RBM28: variants seen among roughly 807,000 people sequenced by gnomAD.
RBM28 encodes RNA-binding protein 28.
Under a neutral mutation model 98.3 loss-of-function variants are expected in RBM28, and 78 were observed. That is an observed-to-expected ratio of 0.79 (90% CI 0.66 to 0.96). The LOEUF (loss-of-function observed/expected upper bound fraction) is 0.96, where lower values mean the gene tolerates loss of function less well. Ranked by LOEUF, RBM28 falls within the 40% of genes least tolerant of loss-of-function variation. The pLI, the probability that RBM28 is intolerant of heterozygous loss-of-function variation, is 0.00. For missense variants in RBM28, 838 were observed against 913.0 expected (o/e 0.92, Z 1.06); for synonymous variants, 306 against 330.9 (o/e 0.92, Z 0.82).
chr7:128,328,831 A>G (rs537833596), intron 10 of RBM28, among the ~76,000 whole-genome samples: 2 of 152,336 alleles, frequency 1.3e-5, no homozygotes, highest in Admixed American at 1.3e-4. Flanking sequence ...CATTTTACAG[A>G]TGAAAACCTG....
chr7:128,318,474 C>CA (rs35005841), intron 14 of RBM28, among the ~76,000 whole-genome samples: 3,455 of 109,864 alleles, frequency 0.031, 131 homozygotes, highest in Admixed American at 0.12. Flanking sequence ...GACCCTGTCT[C>CA]AAAAAAAAAA....
intron 9 of RBM28, among the ~76,000 whole-genome samples, chr7:128,331,855 C>T (rs1201436796): frequency 1.3e-5 from 2 of 152,140 alleles, no homozygotes; most frequent in East Asian, 1.9e-4. Context: ...CTCTTATATG[C>T]ACTGAATAGC....
rs1796550201 is a variant in RBM28, at chr7:128,334,320, CT to C, written c.947-959del. ...TACACTCTTCTGTGTTGTGTTTTAA[CT>C]TTTTATCATTATCATTTATCTGTCC... On this transcript the variant is annotated intron_variant, in intron 8 of 18. Coordinates refer to ENST00000223073, the MANE Select transcript of RBM28 (RefSeq NM_018077.3). 4.6e-5 allele frequency among the ~76,000 whole-genome samples: 7 copies of C among 152,270 alleles called. 1 individual carries two copies. The highest frequency in any genetic ancestry group is 6.5e-5 in the Admixed American group (1 of 15,300).
In RBM28 at chr7:128,301,828, C is replaced by T. The variant is rs1795785708; in HGVS notation, c.*8969G>A. The T allele has an allele frequency of 6.6e-6, 1 of 152,268 alleles. No individual in the cohort carries two copies. Among genetic ancestry groups the T allele is most frequent in the South Asian group, 2.1e-4 (1 of 4,834 alleles). The allele number at this position is 152,268 out of a possible 1,614,324, so 9.4% of individuals were successfully genotyped here. A position where few individuals can be genotyped will look rare whatever the true frequency, so the allele number is the denominator to read the frequency against. ...GGTGGCCAAGAGAAGGAAAGACACCCCCACAGGAAGGATGGGCCCAGAAAC... is the reference window on the plus strand; with the variant it reads ...GGTGGCCAAGAGAAGGAAAGACACCTCCACAGGAAGGATGGGCCCAGAAAC... On this transcript the variant is annotated 3_prime_UTR_variant, in exon 19 of 19. Transcript: ENST00000223073.
chr7:128,319,657 T>C (rs1796179047), intron 14 of RBM28, among the ~76,000 whole-genome samples: 1 of 152,224 alleles, frequency 6.6e-6, no homozygotes, highest in Admixed American at 6.5e-5. Flanking sequence ...GAGATGACTA[T>C]GTACCAGGTA....
Position 128,324,653 on chromosome 7 carries a change from G to A in RBM28, c.1245C>T (p.Asp415=). 1 of 1,614,194 alleles carries A rather than the reference G, an allele frequency of 6.2e-7. No homozygotes were observed. The highest frequency in any genetic ancestry group is 8.5e-7 in the Non-Finnish European group (1 of 1,180,038). The change falls in exon 12 of 19, where the codon GAC becomes GAT. Residue 415 remains aspartate, a synonymous_variant. Transcript: ENST00000223073. ...CAGCCTCATCACGGGTCACCGCCAAGTCAACCTTGAGCTGCCGGCCATCCA... is the reference window on the plus strand; with the variant it reads ...CAGCCTCATCACGGGTCACCGCCAAATCAACCTTGAGCTGCCGGCCATCCA... ...LKLDGRQLKV[D]LAVTRDEAAK...
intron 1 of RBM28, 139 bp from the exon 2 acceptor site, chr7:128,339,930 C>A: frequency 1.9e-6 from 2 of 1,036,736 alleles, no homozygotes; most frequent in Non-Finnish European, 2.8e-6. Flanking sequence ...ATCAGTTTGC[C>A]AAAAGTCTCA....
chr7:128,329,342 G>A (rs536822971), intron 10 of RBM28, among the ~76,000 whole-genome samples: 8 of 152,130 alleles, frequency 5.3e-5, no homozygotes, highest in South Asian at 2.1e-4. Context: ...CAGGTGATCC[G>A]CCTGCCTCAG....
At chr7:128,320,407 A>T (rs973170878) in intron 14 of RBM28, among the ~76,000 whole-genome samples, 3 of 136,854 alleles carry the variant, frequency 2.2e-5, no homozygotes, top group East Asian at 4.0e-4. Context: ...GACCACATCT[A>T]AAAAAAAAAA....
intron 11 of RBM28, 76 bp downstream of exon 11, chr7:128,325,742 T>C: frequency 1.0e-6 from 1 of 974,860 alleles, no homozygotes; most frequent in Non-Finnish European, 1.6e-6. Context: ...AATAAAGCTT[T>C]GTATAAATAC....
At chr7:128,341,248 T>C (rs1165655153) in intron 1 of RBM28, 4 of 1,188,072 alleles carry the variant, frequency 3.4e-6, no homozygotes, top group Non-Finnish European at 3.3e-6. Context: ...CATCAATTTT[T>C]CTCTTCTCTT....
chr7:128,313,177 G>A lies in RBM28; in HGVS notation c.2143C>T (p.Gln715Ter), dbSNP rs771260962. The A allele has an allele frequency of 1.2e-6, 2 of 1,613,174 alleles. No homozygotes were observed. Among genetic ancestry groups the A allele is most frequent in the African/African-American group, 2.7e-5 (2 of 74,876 alleles). ...KQEKQQLSSEQVSRKKAKGNK... is the reference protein window; with the variant it reads ...KQEKQQLSSE Reference sequence around the variant, plus strand: ...GCTGTATGTCCTGCAGAACTCACCTGCTCGGACGATAATTGCTGCTTCTCC... The same window carrying A: ...GCTGTATGTCCTGCAGAACTCACCTACTCGGACGATAATTGCTGCTTCTCC... The change falls in exon 18 of 19, where the codon CAG (glutamine) becomes TAG (stop). Residue 715 changes from glutamine (Q) to a stop codon, truncating the protein, a stop_gained and splice_region_variant. Coordinates refer to ENST00000223073, the MANE Select transcript of RBM28 (RefSeq NM_018077.3). LOFTEE classifies it high-confidence loss of function.
At position 128,343,730 on chromosome 7, in the gene RBM28, C is replaced by T; in HGVS notation, c.64G>A (p.Glu22Lys). 1 of 1,611,830 alleles carries T rather than the reference C, an allele frequency of 6.2e-7. No individual in the cohort carries two copies. Among genetic ancestry groups the T allele is most frequent in the Non-Finnish European group, 8.5e-7 (1 of 1,178,850 alleles). Residue 22 changes from glutamate to lysine, a missense_variant, in exon 1 of 19, where the codon GAA (glutamate) becomes AAA (lysine). Coordinates refer to ENST00000223073, the MANE Select transcript of RBM28 (RefSeq NM_018077.3). ...ACCGGCCCCACCTGACTGAACAGTT[C>T]CTCCAGCTGCTCACTGCGGGCCGAG... Reference protein sequence around the residue: ...PPSARSEQLEELFSQVGPVKQ... With the variant: ...PPSARSEQLEKLFSQVGPVKQ...
intron 8 of RBM28, among the ~76,000 whole-genome samples, 190 bp downstream of exon 8, chr7:128,335,353 A>G (rs185402752): frequency 6.6e-6 from 1 of 152,210 alleles, no homozygotes; most frequent in African/African-American, 2.4e-5. Flanking sequence ...CAAAACAAAC[A>G]AAAAGGAAAC....
chr7:128,334,840 G>A (rs895616285), intron 8 of RBM28, among the ~76,000 whole-genome samples: 1 of 152,128 alleles, frequency 6.6e-6, no homozygotes, highest in Admixed American at 6.5e-5. Context: ...CTTAAGGTTG[G>A]GCCCTAATCT....
chr7:128,323,632 A>G, intron 12 of RBM28, 41 bp from the exon 13 acceptor site: 1 of 1,604,630 alleles, frequency 6.2e-7, no homozygotes, highest in Non-Finnish European at 8.5e-7. Flanking sequence ...CAACAAGGGA[A>G]TTTTCACTGA....
intron 18 of RBM28, among the ~76,000 whole-genome samples, chr7:128,312,392 C>G (rs973005493): frequency 1.3e-5 from 2 of 152,128 alleles, no homozygotes; most frequent in African/African-American, 2.4e-5. Flanking sequence ...GAGCAAAACT[C>G]CACCTCAAAA....
chr7:128,323,461 C>T (rs1796279872), intron 13 of RBM28, 66 bp downstream of exon 13: 2 of 1,574,548 alleles, frequency 1.3e-6, no homozygotes, highest in Non-Finnish European at 8.7e-7. Flanking sequence ...ATCTAGCATT[C>T]GATAACTATT....
chr7:128,298,848 A>ACAAATACACCAAATACAC lies in RBM28; in HGVS notation c.*11948_*11949insGTGTATTTGGTGTATTTG, dbSNP rs1795743313. 6.6e-6 allele frequency: 1 copy of ACAAATACACCAAATACAC among 152,066 alleles called. No homozygotes were observed. Among genetic ancestry groups the ACAAATACACCAAATACAC allele is most frequent in the Non-Finnish European group, 1.5e-5 (1 of 68,058 alleles). 9.4% of individuals were successfully genotyped at this position (152,066 alleles called of 1,614,324 possible). Reference sequence around the variant, plus strand: ...AACATAGCGAAACTCTGTCTCTATAACAAATACACCAAAAATTAGCTAGGC... The same window carrying ACAAATACACCAAATACAC: ...AACATAGCGAAACTCTGTCTCTATAACAAATACACCAAATACACCAAATACACCAAAAATTAGCTAGGC... On this transcript the variant is annotated 3_prime_UTR_variant, in exon 19 of 19. Transcript: ENST00000223073.
Sources: allele counts gnomAD v4.1 joint callset (sites outside exome capture counted in the v4.1 genomes callset), GRCh38; gene constraint gnomAD v4.1.1; transcripts MANE v1.5; gene names NCBI Gene and HGNC (gene_info 2026-07-23, HGNC 2026-07-21).